PIGQ: variants seen among roughly 807,000 people sequenced by gnomAD.
PIGQ encodes phosphatidylinositol N-acetylglucosaminyltransferase subunit Q.
In PIGQ, 54 loss-of-function variants were observed where a neutral mutation model predicts 60.3. The observed-to-expected ratio is 0.90, with a 90% CI of 0.72 to 1.12. The LOEUF (loss-of-function observed/expected upper bound fraction) is 1.12. Ranked by LOEUF, PIGQ falls within the 50% of genes most tolerant of loss-of-function variation. The pLI is 0.00. For missense variants in PIGQ, 799 were observed against 793.5 expected (o/e 1.01, Z -0.08); for synonymous variants, 416 against 363.7 (o/e 1.14, Z -1.64).
At chr16:572,475 G>T in intron 1 of PIGQ, 1 of 455,556 alleles carries the variant, frequency 2.2e-6, no homozygotes, top group East Asian at 6.9e-5. Context: ...TTCCGTGTGA[G>T]GCCTCTTCCA....
intron 4 of PIGQ, 31 bp from the exon 5 acceptor site, chr16:578,348 C>T (rs769751686): frequency 1.3e-6 from 2 of 1,593,122 alleles, no homozygotes; most frequent in Admixed American, 3.4e-5. Flanking sequence ...CTGGCTGCCC[C>T]CGCCCCAGCG....
chr16:573,834 G>C (rs2035671151), intron 1 of PIGQ, among the ~76,000 whole-genome samples: 1 of 152,098 alleles, frequency 6.6e-6, no homozygotes, highest in South Asian at 2.1e-4. Context: ...GTGGGGCTGA[G>C]CTGGGCCTGG....
rs980684797 is a variant in PIGQ, at chr16:580,743, C to T, written c.1417-115C>T. 9 of 700,788 alleles carry T rather than the reference C, an allele frequency of 1.3e-5. No individual in the cohort carries two copies. In the African/African-American group the frequency reaches 1.4e-4, roughly 11 times the overall value. The allele number at this position is 700,788 out of a possible 1,614,324, so 43.4% of individuals were successfully genotyped here. Reference sequence around the variant, plus strand: ...CCCTGCTCAGGGTGGGGTCCCTGCTCTCCCCAGGACCCTGCAGCCTCTGGG... The same window carrying T: ...CCCTGCTCAGGGTGGGGTCCCTGCTTTCCCCAGGACCCTGCAGCCTCTGGG... On this transcript the variant is annotated intron_variant, in intron 8 of 10. Coordinates refer to ENST00000321878, the MANE Select transcript of PIGQ (RefSeq NM_004204.5).
At chr16:576,392 C>G (rs1477067848) in intron 4 of PIGQ, 138 bp downstream of exon 4, 1 of 1,066,196 alleles carries the variant, frequency 9.4e-7, no homozygotes, top group Admixed American at 2.8e-5. Context: ...ACGGCCCTCC[C>G]CTGAACCAGA....
chr16:573,911 A>G (rs2035672136), intron 1 of PIGQ, among the ~76,000 whole-genome samples, 155 bp from the exon 2 acceptor site: 1 of 152,120 alleles, frequency 6.6e-6, no homozygotes, highest in Non-Finnish European at 1.5e-5. Flanking sequence ...GCGGCAGCCA[A>G]GGAGCCCTAC....
In PIGQ at chr16:575,953, C is replaced by T. The variant is rs747036362; in HGVS notation, c.804C>T (p.Asn268=). The change falls in exon 3 of 11, where the codon AAC becomes AAT. Residue 268 remains asparagine, a synonymous_variant. Transcript: ENST00000321878. Reference sequence around the variant, plus strand: ...TCTTCAGTACACGGAAGGCGGAGAACCCTGCCCAGCTGATGAGGTGTGGGC... The same window carrying T: ...TCTTCAGTACACGGAAGGCGGAGAATCCTGCCCAGCTGATGAGGTGTGGGC... The part of the protein sequence containing the change: ...TLIFSTRKAE[N]PAQLMRKANT... 1.9e-6 allele frequency: 3 copies of T among 1,585,038 alleles called. No individual in the cohort carries two copies. The highest frequency in any genetic ancestry group is 1.2e-5 in the South Asian group (1 of 86,884).
chr16:578,987 C>G, intron 6 of PIGQ, 49 bp downstream of exon 6: 1 of 1,284,404 alleles, frequency 7.8e-7, no homozygotes, highest in Non-Finnish European at 1.0e-6. Flanking sequence ...GGTGCAGAGG[C>G]TCCGGCTGGG....
At chr16:579,297 C>T (rs867421689) in intron 7 of PIGQ, 117 bp downstream of exon 7, 91 of 737,668 alleles carry the variant, frequency 1.2e-4, no homozygotes, top group Middle Eastern at 5.3e-4. Context: ...CAGCTGAGGC[C>T]GCGCACAGGC....
In PIGQ at chr16:574,450, G is replaced by C; in HGVS notation, c.376G>C (p.Val126Leu). 6.2e-7 allele frequency: 1 copy of C among 1,610,926 alleles called. No homozygotes were observed. The highest frequency in any genetic ancestry group is 8.5e-7 in the Non-Finnish European group (1 of 1,179,250). Residue 126 changes from valine to leucine, a missense_variant, in exon 2 of 11, where the codon GTC becomes CTC. Transcript: ENST00000321878. ...CCCCGGTGCCCCTGGTGAGGACCAG[G>C]TCATGCTCATCTTCTATGACCAGCG... ...TAPGAPGEDQ[V>L]MLIFYDQRQV...
Position 583,386 on chromosome 16 carries a change from C to T in PIGQ, c.*351C>T, listed in dbSNP as rs144676833. The T allele has an allele frequency of 1.3e-4, 213 of 1,612,554 alleles. No homozygotes were observed. The highest frequency in any genetic ancestry group is 1.6e-4 in the Non-Finnish European group (192 of 1,179,880). ...GGTCCAGAGGGTCCGTCCACCACAG[C>T]AGCCCCAGGTGGAGGGCTGGTCTCC... On this transcript the variant is annotated 3_prime_UTR_variant, in exon 11 of 11. Coordinates refer to ENST00000321878, the MANE Select transcript of PIGQ (RefSeq NM_004204.5).
intron 4 of PIGQ, chr16:578,067 G>T (rs2035748216): frequency 3.6e-6 from 1 of 279,804 alleles, no homozygotes; most frequent in Non-Finnish European, 6.9e-6. Flanking sequence ...GGCTCCAGTG[G>T]GTCCTGTGGC....
intron 9 of PIGQ, 51 bp downstream of exon 9, chr16:581,023 C>G (rs770523368): frequency 2.2e-6 from 3 of 1,367,172 alleles, no homozygotes; most frequent in Non-Finnish European, 3.1e-6. Context: ...AGGGGAACCA[C>G]ACCTGTGGGC....
intron 4 of PIGQ, among the ~76,000 whole-genome samples, chr16:577,414 A>AAC (rs1317697504): frequency 6.6e-5 from 10 of 151,902 alleles, no homozygotes; most frequent in Non-Finnish European, 1.2e-4. Context: ...CGTCTCTACT[A>AAC]AAAATACAAA....
chr16:583,025 A>G lies in PIGQ; in HGVS notation c.1736A>G (p.Lys579Arg). The change falls in exon 11 of 11, where the codon AAG (lysine) becomes AGG (arginine). Residue 579 changes from lysine to arginine, a missense_variant. Transcript: ENST00000321878. ...LIYPWRQRGDKQD is the reference protein window; with the variant it reads ...LIYPWRQRGDRQD The stretch of plus-strand genomic sequence containing the variant: ...TACCCCTGGAGGCAGAGAGGGGACA[A>G]GCAGGACTGAGGGAACTGCTGGCTC... 6.2e-7 allele frequency: 1 copy of G among 1,613,110 alleles called. No homozygotes were observed. The highest frequency in any genetic ancestry group is 8.5e-7 in the Non-Finnish European group (1 of 1,179,986).
chr16:580,107 G>A, intron 7 of PIGQ, 76 bp from the exon 8 acceptor site: 1 of 1,110,626 alleles, frequency 9.0e-7, no homozygotes, highest in South Asian at 1.6e-5. Context: ...GCTCCGGGAT[G>A]GGGGAGGGCA....
chr16:576,784 C>T, intron 4 of PIGQ: 1 of 375,360 alleles, frequency 2.7e-6, no homozygotes, highest in Non-Finnish European at 4.7e-6. Flanking sequence ...CCGGGTGCAG[C>T]CCCCTCCTCT....
intron 9 of PIGQ, chr16:581,195 G>T: frequency 7.0e-7 from 1 of 1,430,510 alleles, no homozygotes; most frequent in Non-Finnish European, 9.2e-7. Context: ...CACCTGCCGC[G>T]CAGGTTCAGA....
At position 582,271 on chromosome 16, in the gene PIGQ, C is replaced by T. The variant is rs768824250; in HGVS notation, c.1555C>T (p.Arg519Trp). The T allele has an allele frequency of 8.1e-6, 13 of 1,606,570 alleles. No homozygotes were observed. In the East Asian group the frequency reaches 1.1e-4, roughly 14 times the overall value. The change falls in exon 10 of 11, where the codon CGG (arginine) becomes TGG (tryptophan). Residue 519 changes from arginine to tryptophan, a missense_variant. Coordinates refer to ENST00000321878, the MANE Select transcript of PIGQ (RefSeq NM_004204.5). Reference protein sequence around the residue: ...LAAGVKFRVLRHEAGRPLRLL... With the variant: ...LAAGVKFRVLWHEAGRPLRLL... The stretch of plus-strand genomic sequence containing the variant: ...AGCTGGCGTGAAGTTCCGTGTCCTC[C>T]GGCACGAGGCCGGCAGGCCCCTCCG...
chr16:580,014 G>A (rs1489808428), intron 7 of PIGQ, 169 bp from the exon 8 acceptor site: 3 of 531,358 alleles, frequency 5.6e-6, no homozygotes, highest in Middle Eastern at 5.1e-4. Context: ...GTGGGGTGTG[G>A]GTGGACAGCC....
Sources: allele counts gnomAD v4.1 joint callset (sites outside exome capture counted in the v4.1 genomes callset), GRCh38; gene constraint gnomAD v4.1.1; transcripts MANE v1.5; gene names NCBI Gene and HGNC (gene_info 2026-07-23, HGNC 2026-07-21).